KIF26B: variants seen among roughly 807,000 people sequenced by gnomAD.
The protein encoded by KIF26B is kinesin-like protein KIF26B.
In KIF26B, 63 loss-of-function variants were observed where a neutral mutation model predicts 151.2. The ratio of observed to expected loss-of-function variants is 0.42; its 90% confidence interval spans 0.34 to 0.51. The LOEUF is 0.51. Among genes scored for constraint, KIF26B ranks in the 20% least tolerant of loss-of-function variants. The pLI is 0.07. For synonymous variants in KIF26B, 1,357 were observed against 1,262.1 expected (o/e 1.08, Z -1.59); for missense variants, 2,813 against 2,913.6 (o/e 0.97, Z 0.79).
chr1:245,581,471 T>C (rs1322254899), intron 5 of KIF26B, among the ~76,000 whole-genome samples: 2 of 152,198 alleles, frequency 1.3e-5, no homozygotes, highest in African/African-American at 4.8e-5. Context: ...AGCTTGCGTG[T>C]GTTTGTTTCA....
intron 2 of KIF26B, among the ~76,000 whole-genome samples, chr1:245,331,923 C>T (rs60029017): frequency 3.1e-4 from 47 of 151,998 alleles, no homozygotes; most frequent in Non-Finnish European, 5.2e-4. Flanking sequence ...GTCAGGAGTT[C>T]GAGACTAGCC....
In KIF26B at chr1:245,685,945, C is replaced by G. The variant is rs557979925; in HGVS notation, c.2962C>G (p.Leu988Val). Residue 988 changes from leucine (L) to valine (V), a missense_variant, in exon 12 of 15, where the codon CTG (leucine) becomes GTG (valine). Physicochemically the swap from Leu to Val is conservative, Grantham distance 32. This residue lies in a region of KIF26B where 2,060 missense variants were observed against 2,088.6 expected (regional missense o/e 0.99). Coordinates refer to ENST00000407071, the MANE Select transcript of KIF26B (RefSeq NM_018012.4). ...DKEDNGSEGQ[L>V]TNREGPELPA... ...GGAAGATAATGGGTCCGAAGGTCAG[C>G]TGACCAACAGAGAAGGCCCTGAACT... The G allele has an allele frequency of 1.6e-5, 25 of 1,609,840 alleles. No homozygotes were observed. The African/African-American group carries it at 3.2e-4, about 21-fold the overall frequency.
chr1:245,179,154 C>T (rs1354717571), intron 2 of KIF26B, among the ~76,000 whole-genome samples: 1 of 152,154 alleles, frequency 6.6e-6, no homozygotes, highest in African/African-American at 2.4e-5. Flanking sequence ...CTCCCATTTC[C>T]CCCTCTCCAC....
intron 2 of KIF26B, among the ~76,000 whole-genome samples, chr1:245,334,594 A>G (rs1277622650): frequency 6.6e-6 from 1 of 152,250 alleles, no homozygotes; most frequent in African/African-American, 2.4e-5. Context: ...ATCTGGGGTC[A>G]GACCCCGGCT....
chr1:245,360,845 G>C (rs918460527), intron 2 of KIF26B, among the ~76,000 whole-genome samples: 2 of 151,968 alleles, frequency 1.3e-5, no homozygotes, highest in Non-Finnish European at 2.9e-5. Context: ...AACTCCATCG[G>C]TACTAAAAAT....
chr1:245,192,562 A>G (rs1669128040), intron 2 of KIF26B, among the ~76,000 whole-genome samples: 1 of 152,220 alleles, frequency 6.6e-6, no homozygotes, highest in African/African-American at 2.4e-5. Flanking sequence ...ATAGTTTTCA[A>G]ACTCTGTCTC....
At chr1:245,372,517 C>T (rs1318941750) in intron 3 of KIF26B, among the ~76,000 whole-genome samples, 1 of 152,128 alleles carries the variant, frequency 6.6e-6, no homozygotes, top group Non-Finnish European at 1.5e-5. Flanking sequence ...TCACCCTCCT[C>T]CCACCCTCCA....
At chr1:245,484,378 A>G (rs1358465963) in intron 4 of KIF26B, among the ~76,000 whole-genome samples, 2 of 151,852 alleles carry the variant, frequency 1.3e-5, no homozygotes, top group East Asian at 1.9e-4. Context: ...CTTGAACTGC[A>G]AGTAAAGGGG....
intron 3 of KIF26B, among the ~76,000 whole-genome samples, chr1:245,373,320 A>T (rs1439303415): frequency 6.6e-6 from 1 of 152,234 alleles, no homozygotes; most frequent in African/African-American, 2.4e-5. Flanking sequence ...GGTGGAAACC[A>T]CCAGGTATTT....
chr1:245,685,342 AG>A, intron 11 of KIF26B, 62 bp from the exon 12 acceptor site: 5 of 1,384,104 alleles, frequency 3.6e-6, no homozygotes, highest in Non-Finnish European at 5.0e-6. Context: ...TGCCGCGCAC[AG>A]CTGGGCTCCC....
chr1:245,260,682 C>T (rs1029871835), intron 2 of KIF26B, among the ~76,000 whole-genome samples: 1 of 152,186 alleles, frequency 6.6e-6, no homozygotes, highest in Non-Finnish European at 1.5e-5. Flanking sequence ...ACATCTGTTA[C>T]CTTCTGCCAA....
chr1:245,647,752 G>A (rs527499767), intron 10 of KIF26B, among the ~76,000 whole-genome samples: 1 of 152,234 alleles, frequency 6.6e-6, no homozygotes, highest in South Asian at 2.1e-4. Flanking sequence ...GTTGATGCCA[G>A]ACCCCCCCAC....
rs544090427 is a variant in KIF26B at position 245,334,781 on chromosome 1, A to G, written c.466-32053A>G. Among the ~76,000 whole-genome samples the G allele has an allele frequency of 1.4e-3, 210 of 152,200 alleles. 1 individual carries two copies. The highest frequency in any genetic ancestry group is 4.7e-3 in the African/African-American group (196 of 41,516). ...TGTTCTGAGCATTTTCTCTATGTCT[A>G]CCTCCGTCAAGTACTTTCCATAACT... On this transcript the variant is annotated intron_variant, in intron 2 of 14. Transcript: ENST00000407071.
At chr1:245,541,967 T>G (rs1299175476) in intron 5 of KIF26B, among the ~76,000 whole-genome samples, 1 of 152,148 alleles carries the variant, frequency 6.6e-6, no homozygotes, top group Non-Finnish European at 1.5e-5. Context: ...TCCCGTGTCC[T>G]TCCATGCTCT....
At chr1:245,666,235 T>TA (rs1239095949) in intron 10 of KIF26B, among the ~76,000 whole-genome samples, 1 of 152,080 alleles carries the variant, frequency 6.6e-6, no homozygotes, top group East Asian at 1.9e-4. Context: ...CTCCTGACAT[T>TA]ATGTCTTAAA....
chr1:245,212,432 C>T (rs2103544436), intron 2 of KIF26B, among the ~76,000 whole-genome samples: 1 of 152,294 alleles, frequency 6.6e-6, no homozygotes, highest in East Asian at 1.9e-4. Context: ...GCTCTTGCTC[C>T]ATTCTCAGCT....
At chr1:245,337,711 C>G (rs776290926) in intron 2 of KIF26B, among the ~76,000 whole-genome samples, 1 of 152,018 alleles carries the variant, frequency 6.6e-6, no homozygotes, top group Non-Finnish European at 1.5e-5. Context: ...GGTGCACACA[C>G]AAACACACAC....
intron 5 of KIF26B, among the ~76,000 whole-genome samples, chr1:245,599,335 C>T (rs994286185): frequency 2.6e-5 from 4 of 152,208 alleles, no homozygotes; most frequent in Non-Finnish European, 5.9e-5. Flanking sequence ...TGGCCTTTCC[C>T]CCAGCTCGGA....
At chr1:245,255,387 C>G (rs1445607707) in intron 2 of KIF26B, among the ~76,000 whole-genome samples, 2 of 152,218 alleles carry the variant, frequency 1.3e-5, no homozygotes, top group Non-Finnish European at 2.9e-5. Flanking sequence ...GAGGAGAAGT[C>G]TCTGAACATT....
Sources: allele counts gnomAD v4.1 joint callset (sites outside exome capture counted in the v4.1 genomes callset), GRCh38; gene constraint gnomAD v4.1.1; regional missense constraint gnomAD v4.1.1; transcripts MANE v1.5; gene names NCBI Gene and HGNC (gene_info 2026-07-23, HGNC 2026-07-21).